Variants in MROH2B observed in about 807,000 individuals in gnomAD.
The protein encoded by MROH2B is maestro heat like repeat family member 2B, also known as maestro heat-like repeat-containing protein family member 2B.
A neutral mutation model predicts 208.6 loss-of-function variants in MROH2B; 177 were observed. The ratio of observed to expected loss-of-function variants is 0.85; its 90% CI spans 0.75 to 0.96. The LOEUF is 0.96. Ranked by LOEUF, MROH2B falls within the 40% of genes least tolerant of loss-of-function variation. The pLI, the probability that MROH2B is intolerant of heterozygous loss-of-function variation, is 0.00. For missense variants in MROH2B, 2,002 were observed against 1,878.7 expected, an observed-to-expected ratio of 1.07 and a Z score of -1.21; for synonymous variants, 728 against 659.0, an observed-to-expected ratio of 1.10 and a Z score of -1.60.
intron 29 of MROH2B, among the ~76,000 whole-genome samples, chr5:41,013,736 G>A (rs1441746242): frequency 4.6e-5 from 7 of 152,198 alleles, no homozygotes; most frequent in Admixed American, 3.9e-4. Flanking sequence ...GTTGATTCAG[G>A]AGCAAAGGAA....
intron 21 of MROH2B, among the ~76,000 whole-genome samples, chr5:41,036,992 TGTATA>T (rs1426418032): frequency 6.6e-6 from 1 of 152,134 alleles, no homozygotes; most frequent in Non-Finnish European, 1.5e-5. Flanking sequence ...ACCCTGAAAG[TGTATA>T]GTAATCTTTA....
chr5:41,040,267 T>C (rs1742901768), intron 19 of MROH2B, among the ~76,000 whole-genome samples: 1 of 152,208 alleles, frequency 6.6e-6, no homozygotes, highest in South Asian at 2.1e-4. Context: ...TTTCACACTC[T>C]GAGGTTATAT....
chr5:40,999,756 C>T lies in MROH2B; in HGVS notation c.4506G>A (p.Leu1502=). The T allele has an allele frequency of 1.2e-6, 2 of 1,613,544 alleles. No individual in the cohort carries two copies. Among genetic ancestry groups the T allele is most frequent in the Non-Finnish European group, 8.5e-7 (1 of 1,179,582 alleles). Residue 1502 remains leucine (L), a synonymous_variant, in exon 40 of 42, where the codon CTG becomes CTA. Coordinates refer to ENST00000399564, the MANE Select transcript of MROH2B (RefSeq NM_173489.5). ...TGAAGGAGTGTGTGTGGAGGATCCA[C>T]AGAATTTCCTGGTTTTTCTTGGCCT... is the stretch of plus-strand genomic sequence containing the variant. ...VKLAKKNQEI[L]WILHTHSFTF...
chr5:41,011,760 C>G (rs1209073415), intron 30 of MROH2B, among the ~76,000 whole-genome samples: 2 of 151,900 alleles, frequency 1.3e-5, no homozygotes, highest in Non-Finnish European at 2.9e-5. Flanking sequence ...CTGTGCCTCC[C>G]TGGTTCAAGT....
chr5:41,068,648 T>TA (rs989512841), intron 2 of MROH2B, among the ~76,000 whole-genome samples: 3 of 152,184 alleles, frequency 2.0e-5, no homozygotes, highest in Non-Finnish European at 2.9e-5. Flanking sequence ...AAGTGCTTGT[T>TA]AAAAATATAT....
At chr5:41,002,567 TCATA>T (rs1446728413) in intron 37 of MROH2B, among the ~76,000 whole-genome samples, 5 of 152,332 alleles carry the variant, frequency 3.3e-5, no homozygotes, top group Middle Eastern at 6.8e-3. Flanking sequence ...GGGCAATAGA[TCATA>T]GAGTTAAATA....
chr5:41,012,421 G>A (rs893578029), intron 30 of MROH2B, among the ~76,000 whole-genome samples, 162 bp downstream of exon 30: 5 of 152,200 alleles, frequency 3.3e-5, no homozygotes, highest in African/African-American at 7.2e-5. Flanking sequence ...CTCAACGTGA[G>A]CCTTGTTGTT....
In MROH2B at chr5:41,017,842, T is replaced by C. The variant is rs1387953678; in HGVS notation, c.2884+8A>G. The C allele has an allele frequency of 6.3e-7, 1 of 1,578,190 alleles. No homozygotes were observed. The highest frequency in any genetic ancestry group is 1.4e-5 in the African/African-American group (1 of 73,832). ...TCTTCATTTGTGGGTTCCCCATCTTTCCCTCACCTTTTATATAGAACAGAC... is the reference window on the plus strand; with the variant it reads ...TCTTCATTTGTGGGTTCCCCATCTTCCCCTCACCTTTTATATAGAACAGAC... On this transcript the variant is annotated splice_region_variant and intron_variant, in intron 28 of 41. Coordinates refer to ENST00000399564, the MANE Select transcript of MROH2B (RefSeq NM_173489.5).
In MROH2B at chr5:41,018,343, C is replaced by G. The variant is rs1350912407; in HGVS notation, c.2761G>C (p.Glu921Gln). Reference protein sequence around the residue: ...ITAKVLTNDIEAPENFKIGSL... With the variant: ...ITAKVLTNDIQAPENFKIGSL... Reference sequence around the variant, plus strand: ...ATTCATTCTAGGGGATTACTTACCTCAATATCATTTGTCAGCACTTTCGCA... The same window carrying G: ...ATTCATTCTAGGGGATTACTTACCTGAATATCATTTGTCAGCACTTTCGCA... Residue 921 changes from glutamate (E) to glutamine (Q), a missense_variant and splice_region_variant, in exon 27 of 42, where the codon GAG becomes CAG. Coordinates refer to ENST00000399564, the MANE Select transcript of MROH2B (RefSeq NM_173489.5). 7.4e-6 allele frequency: 12 copies of G among 1,611,740 alleles called. No individual in the cohort carries two copies. Among genetic ancestry groups the G allele is most frequent in the Non-Finnish European group, 1.0e-5 (12 of 1,179,038 alleles).
rs1344388728 is a variant in MROH2B at position 41,044,086 on chromosome 5, A to C, written c.1836+1660T>G. On this transcript the variant is annotated intron_variant, in intron 18 of 41. Coordinates refer to ENST00000399564, the MANE Select transcript of MROH2B (RefSeq NM_173489.5). ...AACCCCGTCTCTACTAAAAATACAA[A>C]AAAAAAAAAAAAAATTAGCCGGGTG... is the stretch of plus-strand genomic sequence containing the variant. Among the ~76,000 whole-genome samples the C allele has an allele frequency of 1.7e-3, 241 of 145,726 alleles. 1 individual carries two copies. The highest frequency in any genetic ancestry group is 5.8e-3 in the African/African-American group (233 of 40,218).
At chr5:41,018,235 C>T in intron 27 of MROH2B, 106 bp downstream of exon 27, 2 of 1,194,992 alleles carry the variant, frequency 1.7e-6, no homozygotes, top group Non-Finnish European at 2.3e-6. Flanking sequence ...AAGCACTTCA[C>T]TCTGAGATGC....
chr5:41,018,970 C>T lies in MROH2B; in HGVS notation c.2490G>A (p.Glu830=). ...GGGGCAGCAGCCTCCGAATATTCTC[C>T]TCAAGAATGTTAAGGTGGTCTTGTA... ...LSLQDHLNIL[E]ENIRRLLPLP... is the part of the protein sequence containing the mutation. Residue 830 remains glutamate (E), a synonymous_variant, in exon 25 of 42, where the codon GAG becomes GAA. Coordinates refer to ENST00000399564, the MANE Select transcript of MROH2B (RefSeq NM_173489.5). 1 of 1,613,856 alleles carries T rather than the reference C, an allele frequency of 6.2e-7. No individual in the cohort carries two copies. The highest frequency in any genetic ancestry group is 8.5e-7 in the Non-Finnish European group (1 of 1,179,850).
At chr5:41,004,233 G>T (rs141679945) in intron 37 of MROH2B, 113 bp downstream of exon 37, 63 of 1,252,982 alleles carry the variant, frequency 5.0e-5, no homozygotes, top group Non-Finnish European at 6.7e-5. Context: ...ACCTGTCTGG[G>T]GCAGGCCAAG....
In MROH2B at chr5:41,042,271, T is replaced by G. The variant is rs74369297; in HGVS notation, c.1837-63A>C. 1,707 of 985,756 alleles carry G rather than the reference T, an allele frequency of 1.7e-3. 9 individuals carry two copies. Among genetic ancestry groups the G allele is most frequent in the Non-Finnish European group, 2.3e-3 (1,500 of 642,442 alleles). The allele number at this position is 985,756 out of a possible 1,614,324, so 61.1% of individuals were successfully genotyped here. On this transcript the variant is annotated intron_variant, in intron 18 of 41. Coordinates refer to ENST00000399564, the MANE Select transcript of MROH2B (RefSeq NM_173489.5). ...TGGAAAGCAAGACTCTGATGAAAAGTGGAAAGAGTTAAAATAATCATCTGA... is the reference window on the plus strand; with the variant it reads ...TGGAAAGCAAGACTCTGATGAAAAGGGGAAAGAGTTAAAATAATCATCTGA...
chr5:41,036,844 G>C (rs1324210483), intron 21 of MROH2B, among the ~76,000 whole-genome samples: 1 of 152,144 alleles, frequency 6.6e-6, no homozygotes, highest in African/African-American at 2.4e-5. Flanking sequence ...GAAATAATCT[G>C]TCCAGGAGGG....
intron 18 of MROH2B, among the ~76,000 whole-genome samples, chr5:41,043,217 T>C (rs1743008889): frequency 1.3e-5 from 2 of 152,144 alleles, no homozygotes; most frequent in South Asian, 4.1e-4. Flanking sequence ...GGCATAAAGT[T>C]AAAAAGAGGT....
At chr5:41,047,308 G>GA (rs1308456128) in intron 17 of MROH2B, among the ~76,000 whole-genome samples, 5 of 152,210 alleles carry the variant, frequency 3.3e-5, no homozygotes, top group Non-Finnish European at 7.4e-5. Context: ...TGGATATTAG[G>GA]AAAAAGACAT....
intron 29 of MROH2B, among the ~76,000 whole-genome samples, chr5:41,012,982 A>G (rs757605366): frequency 2.2e-4 from 34 of 152,236 alleles, no homozygotes; most frequent in Non-Finnish European, 4.4e-4. Context: ...TAAGCCTGCT[A>G]AGGCAATTTT....
At position 41,000,251 on chromosome 5, in the gene MROH2B, C is replaced by T. The variant is rs1741345342; in HGVS notation, c.4451G>A (p.Arg1484Lys). The T allele has an allele frequency of 6.2e-7, 1 of 1,613,900 alleles. No individual in the cohort carries two copies. Among genetic ancestry groups the T allele is most frequent in the African/African-American group, 1.3e-5 (1 of 75,028 alleles). Residue 1484 changes from arginine to lysine, a missense_variant, in exon 39 of 42, where the codon AGG (arginine) becomes AAG (lysine). Transcript: ENST00000399564. ...RLLDQDLPRA[R>K]DFYRQFCVKL... ...CACACAGAATTGCCTGTAGAAATCC[C>T]TGGCCCTTGGTAGATCCTGATCAAG...
Sources: allele counts gnomAD v4.1 joint callset (sites outside exome capture counted in the v4.1 genomes callset), GRCh38; gene constraint gnomAD v4.1.1; transcripts MANE v1.5; gene names NCBI Gene and HGNC (gene_info 2026-07-23, HGNC 2026-07-21).